Variants in PTBP3 observed in about 807,000 individuals in gnomAD.
PTBP3 encodes the protein polypyrimidine tract-binding protein 3.
In PTBP3, 20 loss-of-function variants were observed where a neutral mutation model predicts 58.7. That is an observed-to-expected ratio of 0.34 (90% CI 0.24 to 0.50). The LOEUF (loss-of-function observed/expected upper bound fraction) is 0.50, where lower values mean the gene tolerates loss of function less well. Among genes scored for constraint, PTBP3 ranks in the 20% least tolerant of loss-of-function variants. PTBP3 has a pLI of 0.98. For synonymous variants in PTBP3, 185 were observed against 219.8 expected (o/e 0.84, Z 1.40); for missense variants, 509 against 637.2 (o/e 0.80, Z 2.17).
chr9:112,263,807 G>A (rs1836693775), intron 4 of PTBP3, among the ~76,000 whole-genome samples: 1 of 152,096 alleles, frequency 6.6e-6, no homozygotes, highest in South Asian at 2.1e-4. Context: ...TGTAGGAAAT[G>A]CAGGCTAAAA....
At chr9:112,251,803 T>C (rs551986204) in intron 6 of PTBP3, among the ~76,000 whole-genome samples, 150 of 152,156 alleles carry the variant, frequency 9.9e-4, no homozygotes, top group African/African-American at 3.5e-3. Flanking sequence ...ATAAAACATA[T>C]ATATATATAT....
the PTBP3 span, among the ~76,000 whole-genome samples, chr9:112,372,903 T>C: frequency 1.1e-3 from 172 of 151,508 alleles, 1 homozygote; most frequent in African/African-American, 3.9e-3. Flanking sequence ...GGCTTTCTTT[T>C]TTTTTTTTTT....
At position 112,237,402 on chromosome 9, in the gene PTBP3, A is replaced by G. The variant is rs769047048; in HGVS notation, c.803-2505T>C. On this transcript the variant is annotated intron_variant, in intron 7 of 13. Coordinates refer to ENST00000374257, the MANE Select transcript of PTBP3 (RefSeq NM_001163788.4). ...CGGATTCTTCACATTTGGAAAATGT[A>G]CCACCATGATAGCAACCAAGGCAAT... is the stretch of plus-strand genomic sequence containing the variant. Among the ~76,000 whole-genome samples, 19 of 152,318 alleles carry G rather than the reference A, an allele frequency of 1.2e-4. No homozygotes were observed. The South Asian group carries it at 2.1e-3, about 17-fold the overall frequency.
At chr9:112,378,772 TA>T in the PTBP3 span, among the ~76,000 whole-genome samples, 2 of 152,206 alleles carry the variant, frequency 1.3e-5, no homozygotes, top group African/African-American at 4.8e-5. Flanking sequence ...TAGTGGATGA[TA>T]ATAATTTGCA....
Position 112,218,570 on chromosome 9 carries a change from T to C in PTBP3, c.*5281A>G, listed in dbSNP as rs1174063275. 1 of 152,674 alleles carries C rather than the reference T, an allele frequency of 6.5e-6. No homozygotes were observed. The highest frequency in any genetic ancestry group is 2.4e-5 in the African/African-American group (1 of 41,470). 9.5% of individuals were successfully genotyped at this position (152,674 alleles called of 1,614,324 possible). A position where few individuals can be genotyped will look rare whatever the true frequency, so the allele number is the denominator to read the frequency against. ...TGAACGAAAATGGAATATACTGTAG[T>C]GTACAGAAGCTTGAATTAACCATGC... On this transcript the variant is annotated 3_prime_UTR_variant, in exon 14 of 14. Coordinates refer to ENST00000374257, the MANE Select transcript of PTBP3 (RefSeq NM_001163788.4).
intron 1 of PTBP3, among the ~76,000 whole-genome samples, chr9:112,300,882 G>A (rs1828894561): frequency 6.6e-6 from 1 of 152,110 alleles, no homozygotes; most frequent in Admixed American, 6.5e-5. Flanking sequence ...GATCACTTGA[G>A]GTCAAGAGTT....
At chr9:112,239,834 G>A (rs1835577892) in intron 7 of PTBP3, among the ~76,000 whole-genome samples, 1 of 10,900 alleles carries the variant, frequency 9.2e-5, no homozygotes, top group Non-Finnish European at 2.0e-4. Flanking sequence ...AGGGAGGAAG[G>A]GAGGGAGGGA....
intron 1 of PTBP3, among the ~76,000 whole-genome samples, chr9:112,316,249 G>A (rs1356956456): frequency 3.3e-5 from 5 of 152,310 alleles, no homozygotes; most frequent in East Asian, 3.9e-4. Context: ...TGCACCTAGA[G>A]ACTCGCTTCT....
intron 1 of PTBP3, among the ~76,000 whole-genome samples, chr9:112,325,393 G>A (rs1830115153): frequency 6.6e-6 from 1 of 152,124 alleles, no homozygotes; most frequent in African/African-American, 2.4e-5. Flanking sequence ...TGGTGGCCTG[G>A]TATTCAACCT....
At chr9:112,264,741 A>G (rs1395419917) in intron 4 of PTBP3, among the ~76,000 whole-genome samples, 5 of 152,238 alleles carry the variant, frequency 3.3e-5, no homozygotes, top group Admixed American at 2.0e-4. Context: ...ACAAGATGGA[A>G]AAAGTATTGG....
At chr9:112,229,929 A>G (rs376262782) in intron 10 of PTBP3, among the ~76,000 whole-genome samples, 2 of 152,214 alleles carry the variant, frequency 1.3e-5, no homozygotes, top group Non-Finnish European at 1.5e-5. Flanking sequence ...AAAGAGTCAT[A>G]TTAAAATGTA....
At position 112,221,025 on chromosome 9, in the gene PTBP3, G is replaced by A. The variant is rs1017482291; in HGVS notation, c.*2826C>T. 1.7e-5 allele frequency: 17 copies of A among 976,874 alleles called. No individual in the cohort carries two copies. The highest frequency in any genetic ancestry group is 1.5e-5 in the Non-Finnish European group (12 of 822,514). The allele number at this position is 976,874 out of a possible 1,614,324, so 60.5% of individuals were successfully genotyped here. Reference sequence around the variant, plus strand: ...TTAATCTTTTTTTTACAAAAACTATGCCAACACAAATACTGTAGACCTCTA... The same window carrying A: ...TTAATCTTTTTTTTACAAAAACTATACCAACACAAATACTGTAGACCTCTA... On this transcript the variant is annotated 3_prime_UTR_variant, in exon 14 of 14. Transcript: ENST00000374257.
At position 112,252,785 on chromosome 9, in the gene PTBP3, A is replaced by T; in HGVS notation, c.520T>A (p.Phe174Ile). Reference protein sequence around the residue: ...PVTLEVLHQIFSKFGTVLKII... With the variant: ...PVTLEVLHQIISKFGTVLKII... ...TTCAAGACTGTGCCAAATTTAGAAAATATCTGGAAAACAGTTCACATTAGG... is the reference window on the plus strand; with the variant it reads ...TTCAAGACTGTGCCAAATTTAGAAATTATCTGGAAAACAGTTCACATTAGG... Residue 174 changes from phenylalanine to isoleucine, a missense_variant, in exon 6 of 14, where the codon TTT (phenylalanine) becomes ATT (isoleucine). Coordinates refer to ENST00000374257, the MANE Select transcript of PTBP3 (RefSeq NM_001163788.4). The T allele has an allele frequency of 6.4e-7, 1 of 1,555,058 alleles. No homozygotes were observed. Among genetic ancestry groups the T allele is most frequent in the Non-Finnish European group, 8.9e-7 (1 of 1,128,472 alleles).
At chr9:112,320,642 T>A (rs562951782) in intron 1 of PTBP3, among the ~76,000 whole-genome samples, 35 of 152,116 alleles carry the variant, frequency 2.3e-4, no homozygotes, top group African/African-American at 8.0e-4. Context: ...CTTTAAGATA[T>A]ACTATAAACC....
intron 1 of PTBP3, 31 bp downstream of exon 1, chr9:112,333,439 C>G: frequency 1.3e-6 from 2 of 1,570,342 alleles, no homozygotes; most frequent in South Asian, 1.2e-5. Flanking sequence ...CAAGGCAACC[C>G]GGTGCGGCCG....
At chr9:112,329,683 T>C (rs1411763988) in intron 1 of PTBP3, among the ~76,000 whole-genome samples, 1 of 152,136 alleles carries the variant, frequency 6.6e-6, no homozygotes, top group African/African-American at 2.4e-5. Context: ...ACTGATTACC[T>C]ACCTTGAAGG....
chr9:112,289,887 T>C (rs7047691), intron 2 of PTBP3, among the ~76,000 whole-genome samples: 74,482 of 152,072 alleles, frequency 0.49, 18,647 homozygotes, highest in African/African-American at 0.59. Context: ...TATTTGTAAA[T>C]CAATTAGATT....
chr9:112,268,316 A>C, intron 3 of PTBP3, 121 bp from the exon 4 acceptor site: 3 of 945,130 alleles, frequency 3.2e-6, no homozygotes, highest in Non-Finnish European at 2.9e-6. Context: ...CATTTCCCCC[A>C]AGGGGAGGGA....
chr9:112,322,198 TA>T (rs989331986), intron 1 of PTBP3, among the ~76,000 whole-genome samples: 6 of 148,178 alleles, frequency 4.0e-5, no homozygotes, highest in Admixed American at 4.0e-4. Flanking sequence ...GGGGGAACAG[TA>T]ACCTCTGTGA....
Sources: allele counts gnomAD v4.1 joint callset (sites outside exome capture counted in the v4.1 genomes callset), GRCh38; gene constraint gnomAD v4.1.1; transcripts MANE v1.5; gene names NCBI Gene and HGNC (gene_info 2026-07-23, HGNC 2026-07-21).